NIN: variants seen among roughly 807,000 people sequenced by gnomAD.
NIN encodes ninein, also known as glycogen synthase kinase 3 beta-interacting protein.
Under a neutral mutation model 257.6 loss-of-function variants are expected in NIN, and 137 were observed. The observed-to-expected ratio is 0.53, with a 90% CI of 0.46 to 0.61. NIN has a LOEUF of 0.61. Ranked by LOEUF, NIN falls within the 20% of genes least tolerant of loss-of-function variation. The pLI, the probability that NIN is intolerant of heterozygous loss-of-function variation, is 0.00. For synonymous variants in NIN, 918 were observed against 919.8 expected (o/e 1.00, Z 0.04); for missense variants, 2,439 against 2,501.2 (o/e 0.98, Z 0.53).
chr14:50,739,524 G>A, intron 25 of NIN, 37 bp from the exon 26 acceptor site: 1 of 1,592,560 alleles, frequency 6.3e-7, no homozygotes, highest in Non-Finnish European at 8.6e-7. Context: ...TTAAAAACAA[G>A]CTATTGGGTA....
At chr14:50,773,145 G>C (rs752865755) in intron 7 of NIN, 50 bp from the exon 8 acceptor site, 2 of 1,498,940 alleles carry the variant, frequency 1.3e-6, no homozygotes, top group Non-Finnish European at 1.8e-6. Flanking sequence ...AGTATACAAG[G>C]CCCAAAGTAT....
chr14:50,735,544 T>A lies in NIN; in HGVS notation c.5849A>T (p.Gln1950Leu). The A allele has an allele frequency of 6.2e-7, 1 of 1,613,272 alleles. No homozygotes were observed. Among genetic ancestry groups the A allele is most frequent in the Non-Finnish European group, 8.5e-7 (1 of 1,180,010 alleles). ...HLENEGLKKK[Q>L]VKLDEQLMEM... is the part of the protein sequence containing the mutation. ...CATGAGCTGCTCATCCAGTTTTACTTGTTTCTTTTTCAGGCCTTCATTTTC... is the reference window on the plus strand; with the variant it reads ...CATGAGCTGCTCATCCAGTTTTACTAGTTTCTTTTTCAGGCCTTCATTTTC... The change falls in exon 28 of 31, where the codon CAA (glutamine) becomes CTA (leucine). Residue 1950 changes from glutamine (Q) to leucine (L), a missense_variant. Gln to Leu is a moderately radical substitution (Grantham distance 113). Transcript: ENST00000530997.
intron 2 of NIN, among the ~76,000 whole-genome samples, chr14:50,825,286 G>A (rs1250306314): frequency 6.6e-6 from 1 of 152,236 alleles, no homozygotes; most frequent in African/African-American, 2.4e-5. Context: ...AGAACAGACT[G>A]AGAATGGGCA....
intron 12 of NIN, 122 bp from the exon 13 acceptor site, chr14:50,767,012 G>A (rs2042515648): frequency 1.5e-6 from 1 of 670,350 alleles, no homozygotes; most frequent in Non-Finnish European, 2.6e-6. Flanking sequence ...CTTAAAAGCT[G>A]TAGTAGACTA....
chr14:50,747,935 G>A (rs192370275), intron 22 of NIN, 57 bp downstream of exon 22: 1 of 1,146,486 alleles, frequency 8.7e-7, no homozygotes, highest in Non-Finnish European at 1.3e-6. Context: ...CAGCCCAACA[G>A]GAGCCCACCA....
intron 2 of NIN, among the ~76,000 whole-genome samples, chr14:50,822,574 G>A (rs1388956420): frequency 6.6e-6 from 1 of 152,206 alleles, no homozygotes. Context: ...TGCCCCGATG[G>A]TGCAATCGGT....
At chr14:50,731,012 A>C in intron 28 of NIN, 2 of 1,174,672 alleles carry the variant, frequency 1.7e-6, no homozygotes, top group Middle Eastern at 2.3e-4. Flanking sequence ...CAGACAAGAC[A>C]AAAAGAAGAG....
intron 4 of NIN, among the ~76,000 whole-genome samples, chr14:50,804,408 G>A (rs2044231162): frequency 6.6e-6 from 1 of 152,206 alleles, no homozygotes; most frequent in Non-Finnish European, 1.5e-5. Context: ...ACAAATGTTA[G>A]GGAAGTCATA....
chr14:50,815,425 C>T (rs957888690), intron 3 of NIN, among the ~76,000 whole-genome samples: 1 of 152,178 alleles, frequency 6.6e-6, no homozygotes, highest in Non-Finnish European at 1.5e-5. Context: ...AAAAGGAACA[C>T]TTTTATGCTG....
chr14:50,829,774 A>G (rs2045616657), intron 2 of NIN, among the ~76,000 whole-genome samples: 1 of 152,060 alleles, frequency 6.6e-6, no homozygotes, highest in Admixed American at 6.5e-5. Flanking sequence ...GGGGTTAGGG[A>G]AATTGCCTCT....
At chr14:50,779,029 C>T (rs2043026493) in intron 5 of NIN, among the ~76,000 whole-genome samples, 1 of 152,220 alleles carries the variant, frequency 6.6e-6, no homozygotes. Context: ...CAGCATTTCA[C>T]CAAGGATTTG....
chr14:50,726,030 G>C lies in NIN; in HGVS notation c.6115C>G (p.Arg2039Gly). 6.2e-7 allele frequency: 1 copy of C among 1,613,874 alleles called. No individual in the cohort carries two copies. Among genetic ancestry groups the C allele is most frequent in the Non-Finnish European group, 8.5e-7 (1 of 1,179,856 alleles). The change falls in exon 30 of 31, where the codon CGA becomes GGA. Residue 2039 changes from arginine (R) to glycine (G), a missense_variant. This residue lies in a region of NIN where 2,043 missense variants were observed against 2,050.2 expected (regional missense o/e 1.00). Transcript: ENST00000530997. ...QEQLVTVMEE[R>G]MIEVEQKLKL... ...AGTTTCTGTTCAACTTCTATCATTC[G>C]TTCCTCCATGACAGTTACCAGTTGT...
intron 29 of NIN, chr14:50,727,880 C>T (rs544683451): frequency 1.7e-6 from 1 of 592,850 alleles, no homozygotes; most frequent in Admixed American, 2.6e-5. Flanking sequence ...CATAGGCAAG[C>T]AAAGCAACAC....
At chr14:50,739,037 T>C (rs995298104) in intron 26 of NIN, among the ~76,000 whole-genome samples, 18 of 152,336 alleles carry the variant, frequency 1.2e-4, no homozygotes, top group African/African-American at 4.1e-4. Context: ...GACTATATGG[T>C]TCACATAATT....
Position 50,771,339 on chromosome 14 carries a change from GC to G in NIN, c.1110del (p.His371IlefsTer29). On this transcript the variant is annotated frameshift_variant, in exon 10 of 31. Coordinates refer to ENST00000530997, the MANE Select transcript of NIN (RefSeq NM_020921.4). LOFTEE classifies it high-confidence loss of function. ...AALASFKAEI[R>X]HLLERVDQVV... The stretch of plus-strand genomic sequence containing the variant: ...ACCTTCTGCTCAACTCACAACAAAT[GC>G]CGGATTTCAGCCTTAAAGCTGGCCA... 1 of 1,613,964 alleles carries G rather than the reference GC, an allele frequency of 6.2e-7. No individual in the cohort carries two copies. Among genetic ancestry groups the G allele is most frequent in the Non-Finnish European group, 8.5e-7 (1 of 1,179,994 alleles).
At chr14:50,734,384 G>T (rs1022146298) in intron 28 of NIN, among the ~76,000 whole-genome samples, 16 of 152,058 alleles carry the variant, frequency 1.1e-4, no homozygotes, top group African/African-American at 3.9e-4. Context: ...AAGCCACTGC[G>T]CCCGGCCCCA....
intron 3 of NIN, among the ~76,000 whole-genome samples, chr14:50,819,166 A>C (rs1230532726): frequency 6.6e-6 from 1 of 152,252 alleles, no homozygotes; most frequent in Non-Finnish European, 1.5e-5. Flanking sequence ...AAGATTTAAA[A>C]GACAAAATTA....
At chr14:50,753,430 T>G (rs1181720358) in intron 20 of NIN, among the ~76,000 whole-genome samples, 1 of 152,198 alleles carries the variant, frequency 6.6e-6, no homozygotes, top group Admixed American at 6.5e-5. Context: ...TCCAAGTCAG[T>G]GTGTTCAGCA....
At chr14:50,795,239 G>A (rs10148502) in intron 4 of NIN, among the ~76,000 whole-genome samples, 23,790 of 152,082 alleles carry the variant, frequency 0.16, 2,025 homozygotes, top group Middle Eastern at 0.23. Context: ...GACCAATAAC[G>A]AAGTGGACTA....
Sources: gnomAD v4.1 joint callset for allele counts (sites outside exome capture counted in the v4.1 genomes callset) on GRCh38, gnomAD v4.1.1 for gene constraint, gnomAD v4.1.1 regional missense constraint, MANE v1.5 for transcripts, NCBI Gene and HGNC (gene_info 2026-07-23, HGNC 2026-07-21) for gene names.